Variants in ESRP2 observed in about 807,000 individuals in gnomAD.
ESRP2 encodes the protein RNA binding motif protein 35A.
Under a neutral mutation model 78.6 loss-of-function variants are expected in ESRP2, and 48 were observed. That is an observed-to-expected ratio of 0.61 (90% CI 0.48 to 0.78). The LOEUF (loss-of-function observed/expected upper bound fraction) is 0.78, where lower values mean the gene tolerates loss of function less well. Ranked by LOEUF, ESRP2 falls within the 30% of genes least tolerant of loss-of-function variation. The pLI is 0.00. For synonymous variants in ESRP2, 383 were observed against 406.7 expected (o/e 0.94, Z 0.70); for missense variants, 863 against 965.9 (o/e 0.89, Z 1.41).
Position 68,235,791 on chromosome 16 carries a change from C to A in ESRP2, c.199-29G>T, listed in dbSNP as rs753336454. The A allele has an allele frequency of 1.9e-6, 3 of 1,608,618 alleles. No homozygotes were observed. Among genetic ancestry groups the A allele is most frequent in the Non-Finnish European group, 2.5e-6 (3 of 1,178,196 alleles). ...TGAGCGGCGGGGGAAACCGATCAGCCGCGCCCCTCGACCCCGGAAGCTCCC... is the reference window on the plus strand; with the variant it reads ...TGAGCGGCGGGGGAAACCGATCAGCAGCGCCCCTCGACCCCGGAAGCTCCC... On this transcript the variant is annotated intron_variant, in intron 1 of 14. Coordinates refer to ENST00000473183, the MANE Select transcript of ESRP2 (RefSeq NM_024939.3). This position sits in a 1 kb window ranked among gnomAD's most constrained non-coding sequence, Gnocchi z 5.5.
chr16:68,233,196 CAA>C (rs377116348), intron 5 of ESRP2, 129 bp downstream of exon 5: 14,936 of 490,740 alleles, frequency 0.03, no homozygotes, highest in Middle Eastern at 0.044. Flanking sequence ...GAGACTGTCT[CAA>C]AAAAAAAAAA....
chr16:68,235,496 C>T lies in ESRP2; in HGVS notation c.327+138G>A. 3 of 1,453,088 alleles carry T rather than the reference C, an allele frequency of 2.1e-6. No individual in the cohort carries two copies. The highest frequency in any genetic ancestry group is 2.5e-5 in the East Asian group (1 of 39,848). 90.0% of individuals were successfully genotyped at this position (1,453,088 alleles called of 1,614,324 possible). A position where few individuals can be genotyped will look rare whatever the true frequency, so the allele number is the denominator to read the frequency against. ...AAGGGGCACGCACACGCGAGAGTCG[C>T]TCAAAGTTTCAAACAAGAGCCCAGT... On this transcript the variant is annotated intron_variant, in intron 2 of 14. Coordinates refer to ENST00000473183, the MANE Select transcript of ESRP2 (RefSeq NM_024939.3). This position sits in a 1 kb window ranked among gnomAD's most constrained non-coding sequence, Gnocchi z 5.5.
rs1319525125 is a variant in ESRP2 at position 68,229,168 on chromosome 16, G to T, written c.*1058C>A. The T allele has an allele frequency of 6.6e-6, 1 of 152,212 alleles. No individual in the cohort carries two copies. Among genetic ancestry groups the T allele is most frequent in the East Asian group, 1.9e-4 (1 of 5,204 alleles). 9.4% of individuals were successfully genotyped at this position (152,212 alleles called of 1,614,324 possible). ...TTAAAACCTTTTATGGGAGTGCAGT[G>T]CTCCTTACACAAATACAAAGGGAAG... is the stretch of plus-strand genomic sequence containing the variant. On this transcript the variant is annotated 3_prime_UTR_variant, in exon 15 of 15. Transcript: ENST00000473183.
chr16:68,235,000 G>C (rs2042203540), intron 2 of ESRP2: 1 of 377,644 alleles, frequency 2.6e-6, no homozygotes, highest in African/African-American at 2.2e-5. Flanking sequence ...GCGCCGTAGT[G>C]AAGATAAGGA....
In ESRP2 at chr16:68,232,612, G is replaced by A; in HGVS notation, c.786C>T (p.Asp262=). The change falls in exon 7 of 15, where the codon GAC becomes GAT. Residue 262 remains aspartate, a synonymous_variant. Transcript: ENST00000473183. This position sits in a 1 kb window ranked among gnomAD's most constrained non-coding sequence, Gnocchi z 5.2. ...TGAGCCCTTTGAAGAAGCGAGCCAC[G>A]TCCTGGTCTGATGACTGCCACGGCA... The part of the protein sequence containing the change: ...RGLPWQSSDQ[D]VARFFKGLNV... 6 of 1,614,124 alleles carry A rather than the reference G, an allele frequency of 3.7e-6. No homozygotes were observed. Among genetic ancestry groups the A allele is most frequent in the African/African-American group, 1.3e-5 (1 of 75,048 alleles).
chr16:68,231,787 G>A lies in ESRP2; in HGVS notation c.1299+15C>T, dbSNP rs200518590. 2,773 of 1,605,432 alleles carry A rather than the reference G, an allele frequency of 1.7e-3. 17 individuals carry two copies. The highest frequency in any genetic ancestry group is 3.3e-3 in the Middle Eastern group (20 of 6,038). On this transcript the variant is annotated intron_variant, in intron 10 of 14. Coordinates refer to ENST00000473183, the MANE Select transcript of ESRP2 (RefSeq NM_024939.3). This position sits in a 1 kb window ranked among gnomAD's most constrained non-coding sequence, Gnocchi z 6.0. ...GTAACAGTACATCTGGGGGTGGGGA[G>A]CCCTGGGCGCTCACCTGCTGCACTT...
intron 5 of ESRP2, 110 bp downstream of exon 5, chr16:68,233,215 GAA>G (rs1217300279): frequency 9.2e-6 from 5 of 541,276 alleles, no homozygotes; most frequent in East Asian, 6.7e-5. Context: ...AAAAAAAAAA[GAA>G]ATGACAAAGA....
Position 68,235,259 on chromosome 16 carries a change from G to A in ESRP2, c.327+375C>T. 1 of 985,430 alleles carries A rather than the reference G, an allele frequency of 1.0e-6. No individual in the cohort carries two copies. The highest frequency in any genetic ancestry group is 1.2e-6 in the Non-Finnish European group (1 of 829,912). 61.0% of individuals were successfully genotyped at this position (985,430 alleles called of 1,614,324 possible). ...GAAGACGCGGGCCGCAAGGACAGGTGACCTATATGGGCCCCTCGACCCCTT... is the reference window on the plus strand; with the variant it reads ...GAAGACGCGGGCCGCAAGGACAGGTAACCTATATGGGCCCCTCGACCCCTT... On this transcript the variant is annotated intron_variant, in intron 2 of 14. Coordinates refer to ENST00000473183, the MANE Select transcript of ESRP2 (RefSeq NM_024939.3). This position sits in a 1 kb window ranked among gnomAD's most constrained non-coding sequence, Gnocchi z 5.5.
chr16:68,235,668 G>T lies in ESRP2; in HGVS notation c.293C>A (p.Ala98Glu), dbSNP rs1596931347. The change falls in exon 2 of 15, where the codon GCG becomes GAG. Residue 98 changes from alanine to glutamate, a missense_variant. Coordinates refer to ENST00000473183, the MANE Select transcript of ESRP2 (RefSeq NM_024939.3). The surrounding 1 kb of genome is among the most constrained non-coding windows in gnomAD (Gnocchi z 5.5). Reference sequence around the variant, plus strand: ...CACCTTGTCCAGCGGCTCTGCCCGCGCCAGGCTGTCGGCGCTCAGGCCGCT... The same window carrying T: ...CACCTTGTCCAGCGGCTCTGCCCGCTCCAGGCTGTCGGCGCTCAGGCCGCT... ...EASGLSADSL[A>E]RAEPLDKVLQ... 6.3e-7 allele frequency: 1 copy of T among 1,598,188 alleles called. No homozygotes were observed. Among genetic ancestry groups the T allele is most frequent in the Non-Finnish European group, 8.5e-7 (1 of 1,178,550 alleles).
In ESRP2 at chr16:68,232,531, C is replaced by T. The variant is rs774865440; in HGVS notation, c.822-28G>A. 1.1e-5 allele frequency: 18 copies of T among 1,614,012 alleles called. No homozygotes were observed. Among genetic ancestry groups the T allele is most frequent in the African/African-American group, 4.0e-5 (3 of 74,940 alleles). On this transcript the variant is annotated intron_variant, in intron 7 of 14. Transcript: ENST00000473183. This position sits in a 1 kb window ranked among gnomAD's most constrained non-coding sequence, Gnocchi z 5.2. Reference sequence around the variant, plus strand: ...GTGGAGCCAGTGCTGTTAGTGCCTCCTGGGTAGGCCTGTCCAATTGGGCCC... The same window carrying T: ...GTGGAGCCAGTGCTGTTAGTGCCTCTTGGGTAGGCCTGTCCAATTGGGCCC...
Position 68,235,276 on chromosome 16 carries a change from C to A in ESRP2, c.327+358G>T, listed in dbSNP as rs1399753736. On this transcript the variant is annotated intron_variant, in intron 2 of 14. Coordinates refer to ENST00000473183, the MANE Select transcript of ESRP2 (RefSeq NM_024939.3). This position sits in a 1 kb window ranked among gnomAD's most constrained non-coding sequence, Gnocchi z 5.5. Reference sequence around the variant, plus strand: ...GGACAGGTGACCTATATGGGCCCCTCGACCCCTTTCGCTTCCGGCTGCGGC... The same window carrying A: ...GGACAGGTGACCTATATGGGCCCCTAGACCCCTTTCGCTTCCGGCTGCGGC... The A allele has an allele frequency of 2.0e-6, 2 of 985,324 alleles. No homozygotes were observed. The highest frequency in any genetic ancestry group is 9.4e-5 in the South Asian group (2 of 21,296). The allele number at this position is 985,324 out of a possible 1,614,324, so 61.0% of individuals were successfully genotyped here.
In ESRP2 at chr16:68,232,187, T is replaced by TG. The variant is rs1178423656; in HGVS notation, c.997+58dup. On this transcript the variant is annotated intron_variant, in intron 9 of 14. Coordinates refer to ENST00000473183, the MANE Select transcript of ESRP2 (RefSeq NM_024939.3). This position sits in a 1 kb window ranked among gnomAD's most constrained non-coding sequence, Gnocchi z 5.2. ...AGGGGAGCAGGCAGGCAAGGGGTGGTGGGGAAGTGAAATGGATCAAGAACC... is the reference window on the plus strand; with the variant it reads ...AGGGGAGCAGGCAGGCAAGGGGTGGTGGGGGAAGTGAAATGGATCAAGAACC... 83 of 1,613,370 alleles carry TG rather than the reference T, an allele frequency of 5.1e-5. No individual in the cohort carries two copies. In the East Asian group the frequency reaches 1.8e-3, roughly 36 times the overall value.
rs1046606817 is a variant in ESRP2, at chr16:68,230,989, G to C, written c.1750C>G (p.Pro584Ala). ...GCCGTCTCCGTGGGAATGAGCGTTG[G>C]GGTGGCTTGGAAGGTGGTGTAGGTA... Reference protein sequence around the residue: ...PPTYTTFQATPTLIPTETAAL... With the variant: ...PPTYTTFQATATLIPTETAAL... Residue 584 changes from proline to alanine, a missense_variant, in exon 13 of 15, where the codon CCA becomes GCA. Physicochemically the swap from Pro to Ala is conservative, Grantham distance 27. Coordinates refer to ENST00000473183, the MANE Select transcript of ESRP2 (RefSeq NM_024939.3). 1.6e-5 allele frequency: 25 copies of C among 1,601,864 alleles called. No individual in the cohort carries two copies. The highest frequency in any genetic ancestry group is 2.7e-5 in the African/African-American group (2 of 74,688).
At position 68,230,088 on chromosome 16, in the gene ESRP2, T is replaced by C. The variant is rs1414351453; in HGVS notation, c.*138A>G. On this transcript the variant is annotated 3_prime_UTR_variant, in exon 15 of 15. Transcript: ENST00000473183. ...AATAAGTGGAGGATGGAGCTGGGGC[T>C]TGGGCTCCTCTAGGTACCTTCTGAG... is the stretch of plus-strand genomic sequence containing the variant. The C allele has an allele frequency of 1.4e-6, 1 of 739,788 alleles. No homozygotes were observed. The highest frequency in any genetic ancestry group is 2.6e-5 in the East Asian group (1 of 37,922). 45.8% of individuals were successfully genotyped at this position (739,788 alleles called of 1,614,324 possible).
chr16:68,236,120 C>G lies in ESRP2; in HGVS notation c.-75G>C, dbSNP rs187681767. 1.0e-4 allele frequency: 138 copies of G among 1,343,838 alleles called. 1 individual carries two copies. The East Asian group carries it at 4.1e-3, about 40-fold the overall frequency. 83.2% of individuals were successfully genotyped at this position (1,343,838 alleles called of 1,614,324 possible). A position where few individuals can be genotyped will look rare whatever the true frequency, so the allele number is the denominator to read the frequency against. ...CACGCACGCACCGACCGACCGCAGA[C>G]GCGGATCAGCTTGGGCGGGACACCG... is the stretch of plus-strand genomic sequence containing the variant. On this transcript the variant is annotated 5_prime_UTR_variant, in exon 1 of 15. Transcript: ENST00000473183. This position sits in a 1 kb window ranked among gnomAD's most constrained non-coding sequence, Gnocchi z 5.2.
rs772313973 is a variant in ESRP2 at position 68,235,721 on chromosome 16, G to C, written c.240C>G (p.Ala80=). 6.2e-7 allele frequency: 1 copy of C among 1,605,642 alleles called. No individual in the cohort carries two copies. Among genetic ancestry groups the C allele is most frequent in the Non-Finnish European group, 8.5e-7 (1 of 1,178,948 alleles). ...CCTCGCGGCACTGCGTACTCAGTGCGGCCGCCTCGGCACGAACCAGCGATT... is the reference window on the plus strand; with the variant it reads ...CCTCGCGGCACTGCGTACTCAGTGCCGCCGCCTCGGCACGAACCAGCGATT... ...LHKSLVRAEA[A]ALSTQCREAS... is the part of the protein sequence containing the mutation. Residue 80 remains alanine (A), a synonymous_variant, in exon 2 of 15, where the codon GCC becomes GCG. Transcript: ENST00000473183. The surrounding 1 kb of genome is among the most constrained non-coding windows in gnomAD (Gnocchi z 5.5).
In ESRP2 at chr16:68,235,944, G is replaced by A. The variant is rs752046751; in HGVS notation, c.102C>T (p.Phe34=). 1.1e-5 allele frequency: 18 copies of A among 1,611,264 alleles called. No homozygotes were observed. The African/African-American group carries it at 2.1e-4, about 19-fold the overall frequency. Reference sequence around the variant, plus strand: ...GTCCCAGCGCACCCGCCGTAGCCCCGAAGAGGACGACCAGTGATCCGGGCC... The same window carrying A: ...GTCCCAGCGCACCCGCCGTAGCCCCAAAGAGGACGACCAGTGATCCGGGCC... The part of the protein sequence containing the change: ...CPWPGSLVVL[F]GATAGALGRD... The change falls in exon 1 of 15, where the codon TTC becomes TTT. Residue 34 remains phenylalanine, a synonymous_variant. Transcript: ENST00000473183. The surrounding 1 kb of genome is among the most constrained non-coding windows in gnomAD (Gnocchi z 5.5).
rs1386698335 is a variant in ESRP2 at position 68,233,340 on chromosome 16, G to C, written c.642C>G (p.Leu214=). 12 of 1,613,550 alleles carry C rather than the reference G, an allele frequency of 7.4e-6. No individual in the cohort carries two copies. Among genetic ancestry groups the C allele is most frequent in the African/African-American group, 2.7e-5 (2 of 75,036 alleles). ...GGGAAACCTTACTGCTGGGCTCTTT[G>C]AGTAGATGGAGGATAACAGCTACCA... ...KTMVAVILHL[L]KEPSSQLFSK... The change falls in exon 5 of 15, where the codon CTC becomes CTG. Residue 214 remains leucine (L), a synonymous_variant. Coordinates refer to ENST00000473183, the MANE Select transcript of ESRP2 (RefSeq NM_024939.3).
chr16:68,230,870 G>C lies in ESRP2; in HGVS notation c.1869C>G (p.Leu623=). The change falls in exon 13 of 15, where the codon CTC becomes CTG. Residue 623 remains leucine (L), a synonymous_variant. Transcript: ENST00000473183. ...VAYYPGPATQ[L]YLNYTAYYPS... is the part of the protein sequence containing the mutation. ...GGTAGTAGGCTGTGTAGTTCAGGTA[G>C]AGTTGAGTGGCTGGCCCTGGATAGT... The C allele has an allele frequency of 6.2e-7, 1 of 1,614,076 alleles. No homozygotes were observed. Among genetic ancestry groups the C allele is most frequent in the South Asian group, 1.1e-5 (1 of 91,086 alleles).
Sources: allele counts gnomAD v4.1 joint callset, GRCh38; gene constraint gnomAD v4.1.1; non-coding constraint Gnocchi (gnomAD v3.1); transcripts MANE v1.5; gene names NCBI Gene and HGNC (gene_info 2026-07-23, HGNC 2026-07-21).